Variants in ERI3 observed in about 807,000 individuals in gnomAD.
ERI3 encodes ERI1 exoribonuclease 3.
In ERI3, 18 loss-of-function variants were observed where a neutral mutation model predicts 44.4. The observed-to-expected ratio is 0.41, with a 90% CI of 0.28 to 0.60. The LOEUF (loss-of-function observed/expected upper bound fraction) is 0.60, where lower values mean the gene tolerates loss of function less well. Among genes scored for constraint, ERI3 ranks in the 20% least tolerant of loss-of-function variants. ERI3 has a pLI of 0.36. For synonymous variants in ERI3, 183 were observed against 164.8 expected, an observed-to-expected ratio of 1.11 and a Z score of -0.84; for missense variants, 294 against 435.5, an observed-to-expected ratio of 0.68 and a Z score of 2.89.
At chr1:44,344,932 G>C (rs139673949) in intron 2 of ERI3, among the ~76,000 whole-genome samples, 1 of 152,324 alleles carries the variant, frequency 6.6e-6, no homozygotes, top group East Asian at 1.9e-4. Context: ...GCCCGATTTG[G>C]AGAAGCAGGC....
At chr1:44,353,931 G>A (rs1646946027) in intron 1 of ERI3, 15 of 985,324 alleles carry the variant, frequency 1.5e-5, no homozygotes, top group Non-Finnish European at 1.8e-5. Flanking sequence ...TTTCTAACCA[G>A]GATCACAGAC....
intron 6 of ERI3, among the ~76,000 whole-genome samples, chr1:44,288,863 C>T (rs1452830190): frequency 3.9e-5 from 6 of 152,052 alleles, no homozygotes; most frequent in Non-Finnish European, 8.8e-5. Flanking sequence ...AAAAAAAGTT[C>T]CCCAGGCACA....
chr1:44,227,822 G>T (rs1374794131), intron 8 of ERI3, among the ~76,000 whole-genome samples: 2 of 152,066 alleles, frequency 1.3e-5, no homozygotes, highest in Admixed American at 1.3e-4. Flanking sequence ...ACTTGAGCAA[G>T]TTCCTGAATT....
intron 5 of ERI3, among the ~76,000 whole-genome samples, chr1:44,310,490 G>A (rs572512538): frequency 6.6e-6 from 1 of 152,210 alleles, no homozygotes; most frequent in East Asian, 1.9e-4. Context: ...AACATGAGTA[G>A]GTAAAAGTTT....
At chr1:44,249,308 G>T (rs1481264817) in intron 7 of ERI3, among the ~76,000 whole-genome samples, 1 of 152,194 alleles carries the variant, frequency 6.6e-6, no homozygotes, top group East Asian at 1.9e-4. Context: ...ACTGCCAGCT[G>T]TGAGTAGATG....
rs200389542 is a variant in ERI3 at position 44,259,920 on chromosome 1, TAGACAGAC to T, written c.832-11890_832-11883del. ...ATAGATAGATAGATAGATAGATAGA[TAGACAGAC>T]AGACAGACAGACAGACAGACAGTAG... On this transcript the variant is annotated intron_variant, in intron 7 of 8. Coordinates refer to ENST00000372257, the MANE Select transcript of ERI3 (RefSeq NM_024066.3). Among the ~76,000 whole-genome samples the T allele has an allele frequency of 5.4e-3, 700 of 129,694 alleles. 4 individuals carry two copies. The highest frequency in any genetic ancestry group is 0.012 in the Middle Eastern group (3 of 250). 85.1% of individuals were successfully genotyped at this position (129,694 alleles called of 152,430 possible).
intron 7 of ERI3, among the ~76,000 whole-genome samples, chr1:44,259,875 C>CTAGA (rs71036672): frequency 0.25 from 33,934 of 135,624 alleles, 5,102 homozygotes; most frequent in Admixed American, 0.32. Flanking sequence ...GGAAAACCCT[C>CTAGA]TAGATAGATA....
intron 2 of ERI3, among the ~76,000 whole-genome samples, chr1:44,345,145 T>G (rs548212445): frequency 2.0e-5 from 3 of 152,334 alleles, no homozygotes; most frequent in African/African-American, 7.2e-5. Context: ...ATCACCAGAT[T>G]AGAGGAACCA....
At chr1:44,317,760 C>T (rs902307594) in intron 4 of ERI3, among the ~76,000 whole-genome samples, 10 of 151,822 alleles carry the variant, frequency 6.6e-5, no homozygotes, top group South Asian at 6.3e-4. Flanking sequence ...CAGGAGTTGG[C>T]GGGGAGAGTG....
intron 7 of ERI3, among the ~76,000 whole-genome samples, chr1:44,279,430 T>G (rs1645242865): frequency 6.6e-6 from 1 of 152,126 alleles, no homozygotes; most frequent in African/African-American, 2.4e-5. Flanking sequence ...CTCACTATGT[T>G]GCTCAGGCTG....
At chr1:44,243,714 G>A (rs1644492641) in intron 8 of ERI3, 1 of 152,236 alleles carries the variant, frequency 6.6e-6, no homozygotes, top group Non-Finnish European at 1.5e-5. Flanking sequence ...GAGAGGGAGT[G>A]GTGATGCTGC....
chr1:44,252,061 C>G lies in ERI3; in HGVS notation c.832-4023G>C. Reference sequence around the variant, plus strand: ...ATCTCTCTCAGCCATCAGGGTCCACCTGCCCAGCTATGCACAGTCAGCACC... The same window carrying G: ...ATCTCTCTCAGCCATCAGGGTCCACGTGCCCAGCTATGCACAGTCAGCACC... On this transcript the variant is annotated intron_variant, in intron 7 of 8. Coordinates refer to ENST00000372257, the MANE Select transcript of ERI3 (RefSeq NM_024066.3). The surrounding 1 kb of genome is among the most constrained non-coding windows in gnomAD (Gnocchi z 4.7). 6.6e-6 allele frequency among the ~76,000 whole-genome samples: 1 copy of G among 152,248 alleles called. No homozygotes were observed. The highest frequency in any genetic ancestry group is 1.5e-5 in the Non-Finnish European group (1 of 68,040).
chr1:44,281,298 T>C (rs1645277990), intron 7 of ERI3, among the ~76,000 whole-genome samples: 1 of 152,110 alleles, frequency 6.6e-6, no homozygotes. Flanking sequence ...TCAAAATATT[T>C]GTTTATTGGC....
intron 8 of ERI3, among the ~76,000 whole-genome samples, chr1:44,229,789 T>C (rs1030962283): frequency 3.9e-5 from 6 of 152,108 alleles, no homozygotes; most frequent in African/African-American, 1.4e-4. Flanking sequence ...CTGAAGATGC[T>C]TGGGCCCTAG....
At chr1:44,293,061 A>G (rs2154324660) in intron 6 of ERI3, among the ~76,000 whole-genome samples, 1 of 152,386 alleles carries the variant, frequency 6.6e-6, no homozygotes, top group East Asian at 1.9e-4. Flanking sequence ...CACCACCAAC[A>G]GCCAGGCTTC....
intron 1 of ERI3, chr1:44,353,791 G>A (rs1238850420): frequency 2.1e-5 from 21 of 985,288 alleles, no homozygotes; most frequent in African/African-American, 3.5e-5. Flanking sequence ...AATTTGGAGT[G>A]CTTAAGTTGC....
intron 2 of ERI3, among the ~76,000 whole-genome samples, chr1:44,347,503 T>G (rs776908746): frequency 3.3e-5 from 5 of 152,200 alleles, no homozygotes; most frequent in Non-Finnish European, 5.9e-5. Context: ...CTGCTCCCTA[T>G]TTTGGAATGC....
intron 6 of ERI3, among the ~76,000 whole-genome samples, chr1:44,290,723 T>C (rs950995522): frequency 6.6e-6 from 1 of 152,146 alleles, no homozygotes; most frequent in Non-Finnish European, 1.5e-5. Flanking sequence ...AAACAGACCC[T>C]GGGTGATAAA....
At chr1:44,341,559 G>C (rs1049087757) in intron 2 of ERI3, among the ~76,000 whole-genome samples, 25 of 152,128 alleles carry the variant, frequency 1.6e-4, no homozygotes, top group African/African-American at 4.6e-4. Context: ...CTTGCCTGCA[G>C]GCCTTGCTTT....
Sources: allele counts gnomAD v4.1 joint callset (sites outside exome capture counted in the v4.1 genomes callset), GRCh38; gene constraint gnomAD v4.1.1; non-coding constraint Gnocchi (gnomAD v3.1); transcripts MANE v1.5; gene names NCBI Gene and HGNC (gene_info 2026-07-23, HGNC 2026-07-21).